LIMA1: variants seen among roughly 807,000 people sequenced by gnomAD.
LIMA1 encodes LIM domain and actin-binding protein 1.
A neutral mutation model predicts 62.6 loss-of-function variants in LIMA1; 52 were observed. The observed-to-expected ratio is 0.83, with a 90% confidence interval of 0.67 to 1.05. The LOEUF (loss-of-function observed/expected upper bound fraction) is 1.05. Ranked by LOEUF, LIMA1 falls within the 50% of genes least tolerant of loss-of-function variation. The pLI, the probability that LIMA1 is intolerant of heterozygous loss-of-function variation, is 0.00. For synonymous variants in LIMA1, 302 were observed against 317.8 expected (o/e 0.95, Z 0.53); for missense variants, 780 against 902.2 (o/e 0.86, Z 1.74).
rs575800604 is a variant in LIMA1 at position 50,265,176 on chromosome 12, T to C, written c.-23-16402A>G. Among the ~76,000 whole-genome samples the C allele has an allele frequency of 4.0e-5, 6 of 151,610 alleles. No individual in the cohort carries two copies. The South Asian group carries it at 1.3e-3, about 32-fold the overall frequency. On this transcript the variant is annotated intron_variant, in intron 1 of 10. Coordinates refer to ENST00000341247, the MANE Select transcript of LIMA1 (RefSeq NM_016357.5). ...AAAAAAAAAAAAAAATCAAAAATGT[T>C]ACATTTGCTTCAGCTGTTTGACTTT...
chr12:50,202,396 A>G (rs945728290), intron 6 of LIMA1, among the ~76,000 whole-genome samples: 1 of 152,150 alleles, frequency 6.6e-6, no homozygotes, highest in African/African-American at 2.4e-5. Context: ...GTTAAAAAAA[A>G]AAAGTTACTC....
intron 9 of LIMA1, chr12:50,188,192 A>C (rs1460460390): frequency 1.3e-5 from 2 of 152,240 alleles, no homozygotes; most frequent in Non-Finnish European, 2.9e-5. Context: ...ACAGACAGGC[A>C]CTAAGAAACA....
At chr12:50,269,892 C>G (rs151092358) in intron 1 of LIMA1, among the ~76,000 whole-genome samples, 2,851 of 144,020 alleles carry the variant, frequency 0.02, 97 homozygotes, top group African/African-American at 0.071. Context: ...TGCACTCCAA[C>G]CTGGGCAACA....
At chr12:50,256,075 TA>T (rs1417088124) in intron 1 of LIMA1, among the ~76,000 whole-genome samples, 3 of 152,062 alleles carry the variant, frequency 2.0e-5, no homozygotes, top group African/African-American at 7.2e-5. Context: ...TTTGTATTTT[TA>T]GTAGAGATGG....
intron 9 of LIMA1, among the ~76,000 whole-genome samples, chr12:50,183,832 A>AC (rs1940566343): frequency 6.7e-6 from 1 of 149,114 alleles, no homozygotes; most frequent in African/African-American, 2.4e-5. Flanking sequence ...AAAAAAAAAA[A>AC]AACCCAAAAC....
intron 1 of LIMA1, among the ~76,000 whole-genome samples, chr12:50,265,407 C>T (rs1448837707): frequency 1.3e-5 from 2 of 151,916 alleles, no homozygotes; most frequent in Non-Finnish European, 2.9e-5. Context: ...GTAATCCCAG[C>T]TACTTGGGAG....
intron 7 of LIMA1, 32 bp downstream of exon 7, chr12:50,200,745 T>C: frequency 1.2e-6 from 2 of 1,609,612 alleles, no homozygotes; most frequent in Non-Finnish European, 1.7e-6. Flanking sequence ...ACATGCTTCC[T>C]TGGCAACTGG....
rs1378707927 is a variant in LIMA1, at chr12:50,177,111, G to A, written c.2233C>T (p.Gln745Ter). 6.2e-7 allele frequency: 1 copy of A among 1,605,780 alleles called. No individual in the cohort carries two copies. Among genetic ancestry groups the A allele is most frequent in the African/African-American group, 1.3e-5 (1 of 74,540 alleles). Reference protein sequence around the residue: ...EVVKELSVEEQIKRNRYYDED... With the variant: ...EVVKELSVEE ...TCATAATACCGATTTCTCTTTATCTGTTCTTCCACAGAGAGCTCTTTGACC... is the reference window on the plus strand; with the variant it reads ...TCATAATACCGATTTCTCTTTATCTATTCTTCCACAGAGAGCTCTTTGACC... The change falls in exon 11 of 11, where the codon CAG (glutamine) becomes TAG (stop). Residue 745 changes from glutamine to a stop codon, truncating the protein, a stop_gained. Transcript: ENST00000341247. LOFTEE classifies it high-confidence loss of function.
chr12:50,222,135 T>C lies in LIMA1; in HGVS notation c.516A>G (p.Val172=), dbSNP rs193091590. The part of the protein sequence containing the change: ...ENCLGESRHE[V]EKSEISENTD... ...TGTTTTCACTGATTTCTGATTTTTC[T>C]ACTTCATGCCTGGATTCTCCTAGAC... Residue 172 remains valine, a synonymous_variant, in exon 4 of 11, where the codon GTA becomes GTG. Coordinates refer to ENST00000341247, the MANE Select transcript of LIMA1 (RefSeq NM_016357.5). 3 of 1,614,228 alleles carry C rather than the reference T, an allele frequency of 1.9e-6. No homozygotes were observed. Among genetic ancestry groups the C allele is most frequent in the African/African-American group, 2.7e-5 (2 of 75,066 alleles).
intron 1 of LIMA1, among the ~76,000 whole-genome samples, chr12:50,258,718 G>A (rs1942029887): frequency 7.0e-6 from 1 of 143,854 alleles, no homozygotes; most frequent in Non-Finnish European, 1.5e-5. Context: ...TGCGATCTCG[G>A]CTCACTGCAA....
At chr12:50,242,150 T>C (rs1655681193) in intron 2 of LIMA1, among the ~76,000 whole-genome samples, 1 of 151,640 alleles carries the variant, frequency 6.6e-6, no homozygotes. Flanking sequence ...CTTGCTTGTA[T>C]GCCCTCAAAT....
intron 7 of LIMA1, among the ~76,000 whole-genome samples, chr12:50,197,250 T>TAAA (rs1940949907): frequency 6.6e-6 from 1 of 152,076 alleles, no homozygotes; most frequent in Non-Finnish European, 1.5e-5. Flanking sequence ...TTTGTATTTT[T>TAAA]AGTAGAGCAG....
intron 1 of LIMA1, among the ~76,000 whole-genome samples, chr12:50,253,871 A>T (rs1941960005): frequency 6.6e-6 from 1 of 151,644 alleles, no homozygotes; most frequent in Non-Finnish European, 1.5e-5. Context: ...TACTAAACAT[A>T]CAAAAAATTA....
chr12:50,182,012 GTCTC>G lies in LIMA1; in HGVS notation c.1162_1165del (p.Glu388ProfsTer38), dbSNP rs1565826897. The G allele has an allele frequency of 6.2e-7, 1 of 1,612,900 alleles. No homozygotes were observed. The highest frequency in any genetic ancestry group is 8.5e-7 in the Non-Finnish European group (1 of 1,180,020). ...GACTGTCTTCTGACATTCCACGCAG[GTCTC>G]TCTTGCAGGTGCCTGAAACTTCTAG... On this transcript the variant is annotated frameshift_variant, in exon 10 of 11. Transcript: ENST00000341247. LOFTEE classifies it high-confidence loss of function.
rs1332859574 is a variant in LIMA1, at chr12:50,200,795, G to A, written c.954C>T (p.Thr318=). 6.2e-7 allele frequency: 1 copy of A among 1,614,052 alleles called. No homozygotes were observed. The highest frequency in any genetic ancestry group is 8.5e-7 in the Non-Finnish European group (1 of 1,179,988). The change falls in exon 7 of 11, where the codon ACC becomes ACT. Residue 318 remains threonine (T), a synonymous_variant. Transcript: ENST00000341247. The part of the protein sequence containing the change: ...NVPPGPEVCI[T]HQEGEKISAN... ...AACCTACCTTTTCCCCTTCCTGATG[G>A]GTGATGCAGACCTCAGGACCTGGGG...
intron 1 of LIMA1, among the ~76,000 whole-genome samples, chr12:50,275,105 C>T (rs1367296431): frequency 6.6e-6 from 1 of 151,948 alleles, no homozygotes. Flanking sequence ...GCCTATAATC[C>T]CAGCACTTTG....
chr12:50,181,546 T>C (rs1940502347), intron 10 of LIMA1, among the ~76,000 whole-genome samples: 1 of 152,222 alleles, frequency 6.6e-6, no homozygotes, highest in Admixed American at 6.5e-5. Context: ...ATTTATACAG[T>C]GGTTAAGACA....
rs750417801 is a variant in LIMA1 at position 50,277,520 on chromosome 12, C to A, written c.-24+5900G>T. On this transcript the variant is annotated intron_variant, in intron 1 of 10. Coordinates refer to ENST00000341247, the MANE Select transcript of LIMA1 (RefSeq NM_016357.5). ...CCAGTCTTGGGGATCAAAAGCCCAA[C>A]CCTCTCATTTTACAGATGAGGCTCT... Among the ~76,000 whole-genome samples the A allele has an allele frequency of 5.4e-4, 82 of 152,276 alleles. No homozygotes were observed. The Middle Eastern group carries it at 0.017, about 32-fold the overall frequency.
intron 2 of LIMA1, among the ~76,000 whole-genome samples, chr12:50,237,663 A>T (rs753443564): frequency 2.0e-5 from 3 of 152,156 alleles, no homozygotes; most frequent in Non-Finnish European, 4.4e-5. Context: ...AAGTGGTTAA[A>T]ATGGTAAATT....
Sources: gnomAD v4.1 joint callset for allele counts (sites outside exome capture counted in the v4.1 genomes callset) on GRCh38, gnomAD v4.1.1 for gene constraint, MANE v1.5 for transcripts, NCBI Gene and HGNC (gene_info 2026-07-23, HGNC 2026-07-21) for gene names.